RBFOX1: variants seen among roughly 807,000 people sequenced by gnomAD.
RBFOX1 encodes the protein RNA binding fox-1 homolog 1, also known as RNA binding protein fox-1 homolog 1.
A neutral mutation model predicts 57.7 loss-of-function variants in RBFOX1; 8 were observed. The observed-to-expected ratio is 0.14, with a 90% CI of 0.08 to 0.25. The LOEUF (loss-of-function observed/expected upper bound fraction) is 0.25, where lower values mean the gene tolerates loss of function less well. RBFOX1 is among the 10% of genes least tolerant of loss of function. The probability of loss-of-function intolerance (pLI) is 1.00; values close to 1 mark genes in which losing one functional copy is unlikely to be tolerated. For synonymous variants in RBFOX1, 326 were observed against 222.4 expected (o/e 1.47, Z -4.15); for missense variants, 611 against 548.5 (o/e 1.11, Z -1.14).
intron 2 of RBFOX1, among the ~76,000 whole-genome samples, chr16:6,539,800 A>AACACACACACACACACACACACACAC (rs1192980631): frequency 2.6e-4 from 15 of 57,532 alleles, no homozygotes; most frequent in Non-Finnish European, 4.9e-4. Context: ...TGCATCTCAA[A>AACACACACACACACACACACACACAC]ACACAGACAC....
chr16:5,523,100 A>G (rs569153203), intron 2 of RBFOX1, among the ~76,000 whole-genome samples: 3 of 152,194 alleles, frequency 2.0e-5, no homozygotes, highest in African/African-American at 4.8e-5. Flanking sequence ...AGCCTGGCCA[A>G]TATGGTGCAA....
At chr16:6,680,473 C>T (rs2058484779) in intron 3 of RBFOX1, among the ~76,000 whole-genome samples, 1 of 151,962 alleles carries the variant, frequency 6.6e-6, no homozygotes, top group African/African-American at 2.4e-5. Context: ...CCATGTTAGC[C>T]ACGATGGTCT....
At chr16:6,483,929 C>T in intron 2 of RBFOX1, 1 of 1,074,020 alleles carries the variant, frequency 9.3e-7, no homozygotes, top group South Asian at 3.0e-5. Context: ...GTAAGCCGAG[C>T]TCCAGCTCCG....
chr16:6,843,645 C>T (rs903717519), intron 3 of RBFOX1, among the ~76,000 whole-genome samples: 4 of 152,074 alleles, frequency 2.6e-5, no homozygotes, highest in East Asian at 3.8e-4. Context: ...GCCGACATCG[C>T]GCCACCGCAC....
At chr16:6,508,700 A>T (rs1294416168) in intron 2 of RBFOX1, among the ~76,000 whole-genome samples, 1 of 152,122 alleles carries the variant, frequency 6.6e-6, no homozygotes, top group Non-Finnish European at 1.5e-5. Flanking sequence ...TTGCATCTGC[A>T]GTTACTTCAT....
At chr16:5,306,569 G>T (rs2063940084) in intron 1 of RBFOX1, among the ~76,000 whole-genome samples, 1 of 152,116 alleles carries the variant, frequency 6.6e-6, no homozygotes, top group African/African-American at 2.4e-5. Context: ...TGGCCTCCCA[G>T]ATTGCTGGGA....
intron 3 of RBFOX1, among the ~76,000 whole-genome samples, chr16:6,699,689 G>T (rs1308789197): frequency 6.6e-6 from 1 of 152,136 alleles, no homozygotes; most frequent in African/African-American, 2.4e-5. Flanking sequence ...CAAGGCATTG[G>T]GTTAACACAG....
chr16:7,537,943 C>A (rs2081945293), intron 5 of RBFOX1, among the ~76,000 whole-genome samples: 1 of 152,166 alleles, frequency 6.6e-6, no homozygotes, highest in Non-Finnish European at 1.5e-5. Context: ...GCATTGATCC[C>A]AATTAAATTT....
At chr16:6,088,348 A>T (rs921896346) in intron 1 of RBFOX1, among the ~76,000 whole-genome samples, 3 of 152,208 alleles carry the variant, frequency 2.0e-5, no homozygotes, top group Non-Finnish European at 4.4e-5. Flanking sequence ...TTGCCAGAGA[A>T]GTATGATTAG....
At chr16:6,591,015 T>A (rs1012302379) in intron 2 of RBFOX1, among the ~76,000 whole-genome samples, 1 of 152,192 alleles carries the variant, frequency 6.6e-6, no homozygotes, top group Non-Finnish European at 1.5e-5. Context: ...GAACTTGGTT[T>A]TGGCACTTGC....
chr16:7,011,995 C>G (rs929547052), intron 3 of RBFOX1, among the ~76,000 whole-genome samples: 1 of 152,168 alleles, frequency 6.6e-6, no homozygotes, highest in Admixed American at 6.5e-5. Context: ...ATGTGGTGTT[C>G]TGATCAATGA....
chr16:6,357,421 C>A (rs951911575), intron 2 of RBFOX1, among the ~76,000 whole-genome samples: 1 of 151,908 alleles, frequency 6.6e-6, no homozygotes, highest in African/African-American at 2.4e-5. Context: ...CTCAGAAACA[C>A]CCAGCTTATT....
chr16:5,404,751 C>T (rs765088959), intron 1 of RBFOX1, among the ~76,000 whole-genome samples: 6 of 152,192 alleles, frequency 3.9e-5, no homozygotes, highest in Non-Finnish European at 7.3e-5. Context: ...GGGCAAGATC[C>T]TGTCCCATCA....
intron 4 of RBFOX1, among the ~76,000 whole-genome samples, chr16:7,287,805 T>C (rs2095679776): frequency 6.6e-6 from 1 of 152,196 alleles, no homozygotes; most frequent in African/African-American, 2.4e-5. Flanking sequence ...TGATAGATTT[T>C]ACATATATGG....
At chr16:6,354,560 CT>C (rs2152853850) in intron 2 of RBFOX1, among the ~76,000 whole-genome samples, 1 of 152,284 alleles carries the variant, frequency 6.6e-6, no homozygotes, top group Non-Finnish European at 1.5e-5. Context: ...TTCCTATGAT[CT>C]CGCAGGCCCC....
At chr16:5,984,946 T>TTATATATATATATATATATA (rs61004841) in intron 4 of RBFOX1, among the ~76,000 whole-genome samples, 1 of 69,670 alleles carries the variant, frequency 1.4e-5, no homozygotes, top group Admixed American at 2.0e-4. Context: ...GGCAACTCCA[T>TTATATATATATATATATATA]TATATATATA....
At chr16:5,507,206 G>A (rs8060745) in intron 2 of RBFOX1, among the ~76,000 whole-genome samples, 2,674 of 152,194 alleles carry the variant, frequency 0.018, 87 homozygotes, top group African/African-American at 0.061. Context: ...CACCGAATAA[G>A]CAACACCAAC....
rs147080173 is a variant in RBFOX1 at position 5,916,159 on chromosome 16, T to C, written c.351+48824T>C. ...TGAAACAGGAGACCAAGCCTGAAAA[T>C]TCGTTTGGTGTCTGAACTGTCTCCC... On this transcript the variant is annotated intron_variant, in intron 4 of 19. Transcript: ENST00000641259. 2.4e-3 allele frequency among the ~76,000 whole-genome samples: 362 copies of C among 151,974 alleles called. 2 individuals carry two copies. The highest frequency in any genetic ancestry group is 7.9e-3 in the African/African-American group (328 of 41,450).
chr16:7,304,061 C>A (rs887720950), intron 4 of RBFOX1: 1 of 348,298 alleles, frequency 2.9e-6, no homozygotes, highest in Non-Finnish European at 4.0e-6. Flanking sequence ...AGGGAACCAA[C>A]TAGTTTCCAG....
Sources: allele counts gnomAD v4.1 joint callset (sites outside exome capture counted in the v4.1 genomes callset), GRCh38; gene constraint gnomAD v4.1.1; transcripts MANE v1.5; gene names NCBI Gene and HGNC (gene_info 2026-07-23, HGNC 2026-07-21).